Variants in ZNF804B observed in about 807,000 individuals in gnomAD.
ZNF804B encodes the protein zinc finger protein 804B, also known as zinc finger 804B.
Under a neutral mutation model 101.4 loss-of-function variants are expected in ZNF804B, and 80 were observed. The ratio of observed to expected loss-of-function variants is 0.79; its 90% confidence interval spans 0.66 to 0.95. The LOEUF (loss-of-function observed/expected upper bound fraction) is 0.95. ZNF804B is among the 40% of genes least tolerant of loss of function. ZNF804B has a pLI of 0.00. For synonymous variants in ZNF804B, 622 were observed against 558.8 expected (o/e 1.11, Z -1.59); for missense variants, 1,673 against 1,561.9 (o/e 1.07, Z -1.20).
chr7:89,327,829 G>A (rs1283749037), intron 3 of ZNF804B, among the ~76,000 whole-genome samples: 3 of 151,520 alleles, frequency 2.0e-5, no homozygotes, highest in Admixed American at 1.3e-4. Context: ...TAGGGGGTGG[G>A]GAATAAGTCT....
At chr7:89,182,719 A>G (rs149004385) in intron 1 of ZNF804B, among the ~76,000 whole-genome samples, 457 of 152,272 alleles carry the variant, frequency 3.0e-3, no homozygotes, top group Non-Finnish European at 5.2e-3. Context: ...TCTGGAAATT[A>G]TTAGAATTGA....
intron 1 of ZNF804B, among the ~76,000 whole-genome samples, chr7:88,811,948 C>A (rs1790795605): frequency 6.6e-6 from 1 of 152,082 alleles, no homozygotes. Context: ...CCTGCACACC[C>A]TGCACATGTA....
chr7:89,092,175 A>G (rs1378597850), intron 1 of ZNF804B, among the ~76,000 whole-genome samples: 2 of 151,010 alleles, frequency 1.3e-5, no homozygotes, highest in Admixed American at 6.6e-5. Context: ...GTATCCTCAC[A>G]TGGTGAAATA....
chr7:88,841,374 C>T (rs1791289584), intron 1 of ZNF804B, among the ~76,000 whole-genome samples: 3 of 152,114 alleles, frequency 2.0e-5, no homozygotes, highest in African/African-American at 4.8e-5. Context: ...AATGGGCAAT[C>T]AATCTATTAA....
At chr7:89,129,850 T>C (rs1790522216) in intron 1 of ZNF804B, among the ~76,000 whole-genome samples, 1 of 152,012 alleles carries the variant, frequency 6.6e-6, no homozygotes, top group Non-Finnish European at 1.5e-5. Context: ...CCTGGGAGAT[T>C]ATAAAATTAG....
chr7:89,131,685 C>T (rs1245361613), intron 1 of ZNF804B, among the ~76,000 whole-genome samples: 4 of 151,980 alleles, frequency 2.6e-5, no homozygotes, highest in African/African-American at 9.7e-5. Flanking sequence ...AGAAAATTGT[C>T]TCCTTAGGAA....
intron 1 of ZNF804B, among the ~76,000 whole-genome samples, chr7:88,884,724 G>A (rs979246004): frequency 6.6e-6 from 1 of 151,706 alleles, no homozygotes; most frequent in African/African-American, 2.4e-5. Flanking sequence ...AAATTGCATT[G>A]TAATTTAACA....
At chr7:89,311,155 A>G (rs997479815) in intron 2 of ZNF804B, among the ~76,000 whole-genome samples, 1 of 152,210 alleles carries the variant, frequency 6.6e-6, no homozygotes, top group African/African-American at 2.4e-5. Flanking sequence ...ATCCTTACTG[A>G]TTCTCTTAAC....
chr7:88,883,413 G>A (rs1216713611), intron 1 of ZNF804B, among the ~76,000 whole-genome samples: 1 of 152,028 alleles, frequency 6.6e-6, no homozygotes, highest in Non-Finnish European at 1.5e-5. Context: ...GTTACATAAG[G>A]CATGGCCATA....
chr7:89,137,311 A>G (rs968936983), intron 1 of ZNF804B, among the ~76,000 whole-genome samples: 1 of 151,780 alleles, frequency 6.6e-6, no homozygotes, highest in African/African-American at 2.4e-5. Flanking sequence ...TATTTTTGTT[A>G]TAAAAAAGTA....
chr7:88,802,025 T>TTTCC (rs1790599528), intron 1 of ZNF804B, among the ~76,000 whole-genome samples: 1 of 152,036 alleles, frequency 6.6e-6, no homozygotes, highest in Non-Finnish European at 1.5e-5. Context: ...CTTGGGGCAG[T>TTTCC]TTCCCTCATG....
chr7:88,904,137 AAGAT>A (rs1242748467), intron 1 of ZNF804B, among the ~76,000 whole-genome samples: 3 of 152,082 alleles, frequency 2.0e-5, no homozygotes, highest in African/African-American at 7.2e-5. Context: ...TATGTGGTAA[AAGAT>A]AGGGCTCCAG....
chr7:89,017,013 G>A (rs2116207034), intron 1 of ZNF804B, among the ~76,000 whole-genome samples: 1 of 152,116 alleles, frequency 6.6e-6, no homozygotes, highest in Non-Finnish European at 1.5e-5. Flanking sequence ...TTATTTCATT[G>A]AGCTGTGGTT....
chr7:88,854,410 T>TCTTTCTTCCTTTCTTTCTTTCTTC (rs1562812538), intron 1 of ZNF804B, among the ~76,000 whole-genome samples: 2 of 132,644 alleles, frequency 1.5e-5, no homozygotes, highest in Non-Finnish European at 3.2e-5. Context: ...TTTCTTTCTT[T>TCTTTCTTCCTTTCTTTCTTTCTTC]CTTCCTTTCT....
At chr7:89,305,988 ATAAT>A (rs1234660713) in intron 2 of ZNF804B, among the ~76,000 whole-genome samples, 1 of 151,992 alleles carries the variant, frequency 6.6e-6, no homozygotes, top group Admixed American at 6.6e-5. Context: ...AATAGATGTA[ATAAT>A]TGTCCCAATT....
intron 1 of ZNF804B, among the ~76,000 whole-genome samples, chr7:89,061,889 C>T (rs750408886): frequency 3.9e-5 from 6 of 152,030 alleles, no homozygotes; most frequent in Non-Finnish European, 8.8e-5. Flanking sequence ...TACCTCTCTC[C>T]CAATCACCTC....
intron 1 of ZNF804B, among the ~76,000 whole-genome samples, chr7:89,204,367 G>A (rs956446023): frequency 6.6e-6 from 1 of 152,076 alleles, no homozygotes; most frequent in East Asian, 1.9e-4. Flanking sequence ...TTGATGAGGT[G>A]GTAATTACTA....
chr7:89,029,018 A>T (rs575457296), intron 1 of ZNF804B, among the ~76,000 whole-genome samples: 19 of 152,316 alleles, frequency 1.2e-4, no homozygotes, highest in Non-Finnish European at 2.5e-4. Context: ...ACTTACTATG[A>T]GCTTGACATA....
In ZNF804B at chr7:89,336,393, A is replaced by G. The variant is rs768135028; in HGVS notation, c.3411A>G (p.Lys1137=). The part of the protein sequence containing the change: ...KVEDGLEMCH[K]SISPPLIQQP... Reference sequence around the variant, plus strand: ...AAGACGGATTAGAAATGTGTCATAAATCTATCTCTCCCCCTTTAATTCAAC... The same window carrying G: ...AAGACGGATTAGAAATGTGTCATAAGTCTATCTCTCCCCCTTTAATTCAAC... Residue 1137 remains lysine (K), a synonymous_variant, in exon 4 of 4, where the codon AAA becomes AAG. Transcript: ENST00000333190. The G allele has an allele frequency of 1.2e-6, 2 of 1,614,052 alleles. No homozygotes were observed. The highest frequency in any genetic ancestry group is 8.5e-7 in the Non-Finnish European group (1 of 1,179,990).
Sources: gnomAD v4.1 joint callset for allele counts (sites outside exome capture counted in the v4.1 genomes callset) on GRCh38, gnomAD v4.1.1 for gene constraint, MANE v1.5 for transcripts, NCBI Gene and HGNC (gene_info 2026-07-23, HGNC 2026-07-21) for gene names.